The following ZNF738 variants were observed in gnomAD, a reference collection of about 807,000 sequenced individuals.
ZNF738 encodes the protein protein ZNF738.
In ZNF738, 10 loss-of-function variants were observed where a neutral mutation model predicts 9.2. The observed-to-expected ratio is 1.09, with a 90% CI of 0.67 to 1.85. The LOEUF (loss-of-function observed/expected upper bound fraction) is 1.85, where lower values mean the gene tolerates loss of function less well. Ranked by LOEUF, ZNF738 falls within the 40% of genes most tolerant of loss-of-function variation. ZNF738 has a pLI of 0.00. For missense variants in ZNF738, 346 were observed against 283.6 expected, an observed-to-expected ratio of 1.22 and a Z score of -1.58; for synonymous variants, 113 against 94.5, an observed-to-expected ratio of 1.20 and a Z score of -1.14.
intron 2 of ZNF738, among the ~76,000 whole-genome samples, chr19:21,368,468 T>C (rs1025604597): frequency 6.6e-5 from 10 of 152,176 alleles, no homozygotes; most frequent in African/African-American, 1.9e-4. Context: ...TCTTTTTTTT[T>C]CTTTTTTTTG....
rs1197613860 is a variant in ZNF738 at position 21,375,874 on chromosome 19, G to T, written c.229G>T (p.Asp77Tyr). Reference sequence around the variant, plus strand: ...ATTTATTTTTAATAAATCAGGTATTGATGTCTCTAAGCCAGATCTGATCAC... The same window carrying T: ...ATTTATTTTTAATAAATCAGGTATTTATGTCTCTAAGCCAGATCTGATCAC... The part of the protein sequence containing the change: ...NFRNLVFLGI[D>Y]VSKPDLITCL... The change falls in exon 4 of 5, where the codon GAT (aspartate) becomes TAT (tyrosine). Residue 77 changes from aspartate to tyrosine, a missense_variant. Physicochemically the swap from Asp to Tyr is radical, Grantham distance 160. Transcript: ENST00000683779. 1 of 786,534 alleles carries T rather than the reference G, an allele frequency of 1.3e-6. No homozygotes were observed. Among genetic ancestry groups the T allele is most frequent in the East Asian group, 2.4e-5 (1 of 41,064 alleles). The allele number at this position is 786,534 out of a possible 1,614,324, so 48.7% of individuals were successfully genotyped here.
chr19:21,373,792 TC>T (rs1363946078), intron 2 of ZNF738, among the ~76,000 whole-genome samples: 8 of 149,468 alleles, frequency 5.4e-5, no homozygotes, highest in Non-Finnish European at 3.0e-5. Flanking sequence ...TTTTTTTTTT[TC>T]AGCTAAACAT....
intron 2 of ZNF738, among the ~76,000 whole-genome samples, chr19:21,365,917 A>G (rs774357341): frequency 9.3e-4 from 141 of 151,026 alleles, no homozygotes; most frequent in Non-Finnish European, 1.7e-3. Flanking sequence ...AGATCGCGCC[A>G]CTGCACTCTA....
In ZNF738 at chr19:21,388,211, T is replaced by C. The variant is rs902458051; in HGVS notation, c.*4537T>C. On this transcript the variant is annotated 3_prime_UTR_variant, in exon 5 of 5. Transcript: ENST00000683779. Reference sequence around the variant, plus strand: ...TAATAACTACATTCTAAGTATACTTTATTTCTTGAAAAAATTACAGACTTT... The same window carrying C: ...TAATAACTACATTCTAAGTATACTTCATTTCTTGAAAAAATTACAGACTTT... Among the ~76,000 whole-genome samples the C allele has an allele frequency of 6.6e-6, 1 of 152,172 alleles. No homozygotes were observed. Among genetic ancestry groups the C allele is most frequent in the African/African-American group, 2.4e-5 (1 of 41,466 alleles).
intron 1 of ZNF738, among the ~76,000 whole-genome samples, chr19:21,360,971 C>T (rs907367257): frequency 4.6e-5 from 7 of 151,718 alleles, no homozygotes; most frequent in Non-Finnish European, 7.4e-5. Flanking sequence ...TGCACCACCA[C>T]GCCCAGCTGA....
rs552259779 is a variant in ZNF738, at chr19:21,386,431, T to C, written c.*2757T>C. 3 of 312,898 alleles carry C rather than the reference T, an allele frequency of 9.6e-6. No homozygotes were observed. The East Asian group carries it at 2.6e-4, about 27-fold the overall frequency. The allele number at this position is 312,898 out of a possible 1,614,324, so 19.4% of individuals were successfully genotyped here. On this transcript the variant is annotated 3_prime_UTR_variant, in exon 5 of 5. Transcript: ENST00000683779. The stretch of plus-strand genomic sequence containing the variant: ...AGAAAAATCTTAGAAATGTGAAGGA[T>C]GTGGTAAAGCCGTTATCCAGTCCTC...
intron 2 of ZNF738, among the ~76,000 whole-genome samples, chr19:21,365,310 A>G (rs1250335058): frequency 6.6e-6 from 1 of 152,052 alleles, no homozygotes; most frequent in Non-Finnish European, 1.5e-5. Flanking sequence ...TTCCTATCTT[A>G]TCCTGTGACT....
chr19:21,380,631 C>A (rs1220522701), intron 4 of ZNF738, among the ~76,000 whole-genome samples: 1 of 152,218 alleles, frequency 6.6e-6, no homozygotes, highest in Non-Finnish European at 1.5e-5. Flanking sequence ...ATGTCTTTCT[C>A]ACCTTTTAAT....
At chr19:21,381,137 G>T in intron 4 of ZNF738, 2 of 836,572 alleles carry the variant, frequency 2.4e-6, no homozygotes, top group Admixed American at 2.4e-5. Context: ...CATTAAGCAC[G>T]TGAGAGTCAC....
chr19:21,388,163 G>A lies in ZNF738; in HGVS notation c.*4489G>A, dbSNP rs772664282. Among the ~76,000 whole-genome samples, 1 of 152,060 alleles carries A rather than the reference G, an allele frequency of 6.6e-6. No individual in the cohort carries two copies. Among genetic ancestry groups the A allele is most frequent in the Non-Finnish European group, 1.5e-5 (1 of 67,998 alleles). ...AAAGTATTTGTATATAAATTTAAGAGGAGTAAAAGATTTTTTGCAGAGTAA... is the reference window on the plus strand; with the variant it reads ...AAAGTATTTGTATATAAATTTAAGAAGAGTAAAAGATTTTTTGCAGAGTAA... On this transcript the variant is annotated 3_prime_UTR_variant, in exon 5 of 5. Coordinates refer to ENST00000683779, the MANE Select transcript of ZNF738 (RefSeq NM_001355237.2).
At position 21,375,969 on chromosome 19, in the gene ZNF738, G is replaced by A; in HGVS notation, c.319+5G>A. ...GTATGGTAGCCACACCCCCAGGTAG[G>A]TGAGAGTGAATAAAACAGTTGACAT... On this transcript the variant is annotated splice_donor_5th_base_variant and intron_variant, in intron 4 of 4. Transcript: ENST00000683779. 1 of 750,358 alleles carries A rather than the reference G, an allele frequency of 1.3e-6. No homozygotes were observed. Among genetic ancestry groups the A allele is most frequent in the Non-Finnish European group, 2.4e-6 (1 of 410,448 alleles). The allele number at this position is 750,358 out of a possible 1,614,324, so 46.5% of individuals were successfully genotyped here.
intron 2 of ZNF738, among the ~76,000 whole-genome samples, chr19:21,369,416 A>C (rs1973827828): frequency 6.6e-6 from 1 of 152,074 alleles, no homozygotes; most frequent in Non-Finnish European, 1.5e-5. Context: ...CTACCATATT[A>C]TATTTTTTCA....
chr19:21,361,045 C>T (rs986212472), intron 1 of ZNF738, among the ~76,000 whole-genome samples: 5 of 151,864 alleles, frequency 3.3e-5, no homozygotes, highest in African/African-American at 1.2e-4. Flanking sequence ...AACTCCCGAC[C>T]TCAGGTGATC....
Position 21,360,143 on chromosome 19 carries a change from T to A in ZNF738, c.3+1000T>A, listed in dbSNP as rs987580212. ...TAGTAGGTGAAGCCTCAATTTTGTT[T>A]CTCTGAATTTAGTAATTAAAAATAA... is the stretch of plus-strand genomic sequence containing the variant. On this transcript the variant is annotated intron_variant, in intron 1 of 4. Transcript: ENST00000683779. Among the ~76,000 whole-genome samples the A allele has an allele frequency of 2.0e-5, 3 of 152,318 alleles. No homozygotes were observed. In the East Asian group the frequency reaches 5.8e-4, roughly 29 times the overall value.
At chr19:21,368,445 T>C (rs1000888876) in intron 2 of ZNF738, among the ~76,000 whole-genome samples, 1 of 152,206 alleles carries the variant, frequency 6.6e-6, no homozygotes, top group African/African-American at 2.4e-5. Flanking sequence ...TTTGCTTGTT[T>C]TTTGAGACAA....
intron 2 of ZNF738, among the ~76,000 whole-genome samples, chr19:21,368,286 T>C (rs187571328): frequency 0.013 from 1,989 of 152,046 alleles, 54 homozygotes; most frequent in African/African-American, 0.042. Flanking sequence ...CTGTTCCTTC[T>C]TTATGTCCAT....
chr19:21,364,145 C>T (rs1386108327), intron 2 of ZNF738, among the ~76,000 whole-genome samples: 2 of 137,388 alleles, frequency 1.5e-5, no homozygotes, highest in African/African-American at 5.5e-5. Context: ...TGCAGTGAGC[C>T]GAGATCATGC....
chr19:21,377,073 C>T (rs1406466670), intron 4 of ZNF738, among the ~76,000 whole-genome samples: 4 of 151,886 alleles, frequency 2.6e-5, no homozygotes, highest in Admixed American at 6.6e-5. Context: ...TTTGGGAGGC[C>T]GAGGCGAGCG....
intron 2 of ZNF738, among the ~76,000 whole-genome samples, chr19:21,368,489 C>T (rs2358991): frequency 0.6 from 91,498 of 151,682 alleles, 28,378 homozygotes; most frequent in African/African-American, 0.76. Context: ...AGACGTAGTT[C>T]TGCTCTTGTT....
Sources: allele counts gnomAD v4.1 joint callset (sites outside exome capture counted in the v4.1 genomes callset), GRCh38; gene constraint gnomAD v4.1.1; transcripts MANE v1.5; gene names NCBI Gene and HGNC (gene_info 2026-07-23, HGNC 2026-07-21).